Variants in ATP8A2 observed in about 807,000 individuals in gnomAD.
ATP8A2 encodes the protein ATPase phospholipid transporting 8A2.
Under a neutral mutation model 165.6 loss-of-function variants are expected in ATP8A2, and 100 were observed. That is an observed-to-expected ratio of 0.60 (90% CI 0.51 to 0.71). ATP8A2 has a LOEUF of 0.71. Ranked by LOEUF, ATP8A2 falls within the 30% of genes least tolerant of loss-of-function variation. ATP8A2 has a pLI of 0.00. For synonymous variants in ATP8A2, 543 were observed against 548.8 expected (o/e 0.99, Z 0.15); for missense variants, 1,227 against 1,479.5 (o/e 0.83, Z 2.80).
At chr13:25,634,270 T>C (rs1279003933) in intron 24 of ATP8A2, among the ~76,000 whole-genome samples, 3 of 152,122 alleles carry the variant, frequency 2.0e-5, no homozygotes, top group African/African-American at 4.8e-5. Context: ...GAAGCTACAA[T>C]TGGGAATTGA....
intron 23 of ATP8A2, among the ~76,000 whole-genome samples, chr13:25,586,372 G>A (rs569204837): frequency 1.2e-4 from 18 of 152,268 alleles, no homozygotes; most frequent in African/African-American, 2.4e-4. Flanking sequence ...GGGAGAAGCC[G>A]TGAGGTGAGG....
rs114558094 is a variant in ATP8A2 at position 25,765,935 on chromosome 13, A to C, written c.2385-3111A>C. ...CGACCCCTGCAGTGTGAAGTGGCCAAGCCTTTGCCTGTGGGCTTCCTTTCT... is the reference window on the plus strand; with the variant it reads ...CGACCCCTGCAGTGTGAAGTGGCCACGCCTTTGCCTGTGGGCTTCCTTTCT... On this transcript the variant is annotated intron_variant, in intron 25 of 36. Transcript: ENST00000381655. Among the ~76,000 whole-genome samples, 693 of 152,290 alleles carry C rather than the reference A, an allele frequency of 4.6e-3. 4 individuals carry two copies. The highest frequency in any genetic ancestry group is 0.016 in the African/African-American group (650 of 41,560).
intron 1 of ATP8A2, among the ~76,000 whole-genome samples, chr13:25,411,334 G>A (rs959132751): frequency 2.0e-5 from 3 of 152,160 alleles, no homozygotes; most frequent in Admixed American, 2.0e-4. Flanking sequence ...GAGGTGGCTA[G>A]TACTGTGAGA....
intron 25 of ATP8A2, among the ~76,000 whole-genome samples, chr13:25,704,997 T>C (rs1436739406): frequency 6.6e-6 from 1 of 152,210 alleles, no homozygotes; most frequent in African/African-American, 2.4e-5. Context: ...TCAACTGTCT[T>C]ATATGTTTAG....
intron 2 of ATP8A2, among the ~76,000 whole-genome samples, chr13:25,470,414 A>G (rs907760892): frequency 1.3e-5 from 2 of 152,234 alleles, no homozygotes; most frequent in Non-Finnish European, 2.9e-5. Context: ...GGCTCCAATC[A>G]AAAAGACAAA....
At chr13:25,634,252 G>A (rs1035801702) in intron 24 of ATP8A2, among the ~76,000 whole-genome samples, 5 of 152,124 alleles carry the variant, frequency 3.3e-5, no homozygotes, top group East Asian at 3.9e-4. Context: ...TGATTTTCTC[G>A]AGGGACCGAA....
intron 33 of ATP8A2, among the ~76,000 whole-genome samples, chr13:25,867,586 C>T (rs527895684): frequency 3.3e-5 from 5 of 152,142 alleles, no homozygotes; most frequent in Non-Finnish European, 7.3e-5. Context: ...TCACCCTTTC[C>T]TAAGGGTGCC....
chr13:25,385,184 A>ATATGCTCTT (rs1724384216), intron 1 of ATP8A2, among the ~76,000 whole-genome samples: 3 of 152,198 alleles, frequency 2.0e-5, no homozygotes, highest in Admixed American at 2.0e-4. Flanking sequence ...TTTTGCTGAA[A>ATATGCTCTT]TGCCTGCATG....
At chr13:25,560,469 A>G (rs61948632) in intron 15 of ATP8A2, among the ~76,000 whole-genome samples, 88,451 of 151,818 alleles carry the variant, frequency 0.58, 26,836 homozygotes, top group Middle Eastern at 0.64. Context: ...GGAGGCCTAG[A>G]CAGGCAGATC....
intron 27 of ATP8A2, among the ~76,000 whole-genome samples, chr13:25,782,011 TTTTAAATG>T (rs1300226469): frequency 6.6e-6 from 1 of 152,244 alleles, no homozygotes; most frequent in African/African-American, 2.4e-5. Context: ...CTGGATTTCA[TTTTAAATG>T]TTAGAATCAA....
At chr13:25,455,900 T>A (rs2035352760) in intron 1 of ATP8A2, among the ~76,000 whole-genome samples, 1 of 152,262 alleles carries the variant, frequency 6.6e-6, no homozygotes, top group Non-Finnish European at 1.5e-5. Flanking sequence ...AGTTGGTCTA[T>A]CAAAATAGTT....
intron 24 of ATP8A2, among the ~76,000 whole-genome samples, chr13:25,621,274 A>T (rs995547352): frequency 6.6e-6 from 1 of 152,224 alleles, no homozygotes; most frequent in Non-Finnish European, 1.5e-5. Flanking sequence ...TGAAATCTAC[A>T]TAAGTGTGTT....
chr13:25,950,684 T>C (rs1955331443), intron 33 of ATP8A2: 1 of 152,238 alleles, frequency 6.6e-6, no homozygotes, highest in Non-Finnish European at 1.5e-5. Context: ...TGGAGCTTTA[T>C]TTATTTATTT....
rs1307258555 is a variant in ATP8A2, at chr13:25,506,981, CTT to C, written c.222-23017_222-23016del. On this transcript the variant is annotated intron_variant, in intron 2 of 36. Transcript: ENST00000381655. Reference sequence around the variant, plus strand: ...TATATATCTTATTTTACATATAAAACTTATAAATAAGAAACTAAATATGTGTG... The same window carrying C: ...TATATATCTTATTTTACATATAAAACATAAATAAGAAACTAAATATGTGTG... 9.1e-5 allele frequency among the ~76,000 whole-genome samples: 11 copies of C among 121,300 alleles called. No individual in the cohort carries two copies. The South Asian group carries it at 1.7e-3, about 19-fold the overall frequency. The allele number at this position is 121,300 out of a possible 152,430, so 79.6% of individuals were successfully genotyped here.
chr13:25,473,777 T>C (rs1328672741), intron 2 of ATP8A2, among the ~76,000 whole-genome samples: 1 of 152,218 alleles, frequency 6.6e-6, no homozygotes, highest in African/African-American at 2.4e-5. Flanking sequence ...TCCTTTTAAG[T>C]TAAATATTAA....
Position 25,553,684 on chromosome 13 carries a change from G to A in ATP8A2, c.1058-109G>A, listed in dbSNP as rs79540309. 2,889 of 1,163,618 alleles carry A rather than the reference G, an allele frequency of 2.5e-3. 50 individuals are homozygous for A. The African/African-American group carries it at 0.04, about 16-fold the overall frequency. The allele number at this position is 1,163,618 out of a possible 1,614,324, so 72.1% of individuals were successfully genotyped here. A position where few individuals can be genotyped will look rare whatever the true frequency, so the allele number is the denominator to read the frequency against. On this transcript the variant is annotated intron_variant, in intron 11 of 36. Transcript: ENST00000381655. ...ACAGAAAGCAGCCTTTGAACTCACG[G>A]TTCCTGACATGCAGGAGGTGCTCAA...
chr13:25,719,067 G>C (rs1286414022), intron 25 of ATP8A2, among the ~76,000 whole-genome samples: 2 of 152,218 alleles, frequency 1.3e-5, no homozygotes, highest in East Asian at 3.8e-4. Flanking sequence ...CAGTTTCTGG[G>C]AGTGCTTTTC....
chr13:25,868,349 G>A (rs561182189), intron 33 of ATP8A2, among the ~76,000 whole-genome samples: 3 of 152,072 alleles, frequency 2.0e-5, no homozygotes, highest in Admixed American at 6.6e-5. Flanking sequence ...GAATAGACTC[G>A]GTCCAGTTTT....
chr13:25,682,045 A>G (rs1188655721), intron 24 of ATP8A2, among the ~76,000 whole-genome samples: 1 of 152,190 alleles, frequency 6.6e-6, no homozygotes, highest in Non-Finnish European at 1.5e-5. Flanking sequence ...AGATAGAAAC[A>G]AAATTACTGT....
Sources: gnomAD v4.1 joint callset for allele counts (sites outside exome capture counted in the v4.1 genomes callset) on GRCh38, gnomAD v4.1.1 for gene constraint, MANE v1.5 for transcripts, NCBI Gene and HGNC (gene_info 2026-07-23, HGNC 2026-07-21) for gene names.